NSG2: variants seen among roughly 807,000 people sequenced by gnomAD.
The protein encoded by NSG2 is neuronal vesicle trafficking associated 2.
A neutral mutation model predicts 16.9 loss-of-function variants in NSG2; 4 were observed. The ratio of observed to expected loss-of-function variants is 0.24; its 90% CI spans 0.12 to 0.54. NSG2 has a LOEUF of 0.54. NSG2 is among the 20% of genes least tolerant of loss of function. The probability of loss-of-function intolerance (pLI) is 0.95; values close to 1 mark genes in which losing one functional copy is unlikely to be tolerated. For synonymous variants in NSG2, 98 were observed against 88.7 expected (o/e 1.11, Z -0.59); for missense variants, 179 against 221.1 (o/e 0.81, Z 1.21).
Position 174,097,693 on chromosome 5 carries a change from CTG to C in NSG2, c.214-6527_214-6526del, listed in dbSNP as rs781200658. ...AATATCTGTGTCTCTGTCTGTGTAACTGTGTGTGTCTTTTTGTGTGTGTTTGT... is the reference window on the plus strand; with the variant it reads ...AATATCTGTGTCTCTGTCTGTGTAACTGTGTGTCTTTTTGTGTGTGTTTGT... On this transcript the variant is annotated intron_variant, in intron 3 of 4. Coordinates refer to ENST00000303177, the MANE Select transcript of NSG2 (RefSeq NM_015980.5). Among the ~76,000 whole-genome samples, 76 of 144,038 alleles carry C rather than the reference CTG, an allele frequency of 5.3e-4. 1 individual carries two copies. The highest frequency in any genetic ancestry group is 1.6e-3 in the African/African-American group (62 of 38,092). 94.5% of individuals were successfully genotyped at this position (144,038 alleles called of 152,430 possible). A position where few individuals can be genotyped will look rare whatever the true frequency, so the allele number is the denominator to read the frequency against.
At chr5:174,095,755 G>A (rs963968913) in intron 3 of NSG2, among the ~76,000 whole-genome samples, 1 of 152,182 alleles carries the variant, frequency 6.6e-6, no homozygotes, top group Non-Finnish European at 1.5e-5. Context: ...TCAGAACTCC[G>A]AGAGACAGAT....
At chr5:174,055,461 G>T (rs990294669) in intron 2 of NSG2, among the ~76,000 whole-genome samples, 1 of 152,084 alleles carries the variant, frequency 6.6e-6, no homozygotes, top group Non-Finnish European at 1.5e-5. Context: ...AGCTGGGCGT[G>T]GTGGCAGGTG....
chr5:174,080,881 T>G (rs1760449659), intron 3 of NSG2, among the ~76,000 whole-genome samples: 1 of 152,188 alleles, frequency 6.6e-6, no homozygotes, highest in African/African-American at 2.4e-5. Context: ...TGAGATTTTC[T>G]ATCTAGAAGC....
At chr5:174,096,524 C>T (rs1760796293) in intron 3 of NSG2, among the ~76,000 whole-genome samples, 1 of 152,154 alleles carries the variant, frequency 6.6e-6, no homozygotes, top group Admixed American at 6.5e-5. Flanking sequence ...GCCTTGTCTG[C>T]TCTGGCAGAC....
chr5:174,064,839 G>A (rs1450421461), intron 3 of NSG2, among the ~76,000 whole-genome samples: 1 of 152,176 alleles, frequency 6.6e-6, no homozygotes, highest in Non-Finnish European at 1.5e-5. Flanking sequence ...AGCATTCTCT[G>A]TGAGGGTGAA....
At chr5:174,064,727 G>T (rs948521425) in intron 3 of NSG2, among the ~76,000 whole-genome samples, 2 of 152,134 alleles carry the variant, frequency 1.3e-5, no homozygotes, top group Non-Finnish European at 2.9e-5. Context: ...CTTCTTGGTG[G>T]TGAAACCCTA....
At chr5:174,078,932 G>A (rs1164533269) in intron 3 of NSG2, among the ~76,000 whole-genome samples, 1 of 151,944 alleles carries the variant, frequency 6.6e-6, no homozygotes, top group African/African-American at 2.4e-5. Flanking sequence ...AGCCCAAATG[G>A]ACTAAGACAC....
At chr5:174,059,448 A>G (rs895884333) in intron 2 of NSG2, among the ~76,000 whole-genome samples, 9 of 152,182 alleles carry the variant, frequency 5.9e-5, no homozygotes, top group Admixed American at 4.6e-4. Context: ...CTTTTTGCTG[A>G]CACCTAGGAA....
intron 3 of NSG2, among the ~76,000 whole-genome samples, chr5:174,089,341 G>GT (rs2113463817): frequency 6.6e-6 from 1 of 152,300 alleles, no homozygotes; most frequent in East Asian, 1.9e-4. Context: ...TCATCCTGCA[G>GT]TGCAAGGAGG....
intron 3 of NSG2, among the ~76,000 whole-genome samples, chr5:174,091,039 C>CTTTT (rs35022469): frequency 2.4e-5 from 3 of 124,086 alleles, no homozygotes; most frequent in African/African-American, 3.0e-5. Context: ...CTTCTTCTTC[C>CTTTT]TTTTTTTTTT....
chr5:174,085,395 C>T (rs1479592860), intron 3 of NSG2, among the ~76,000 whole-genome samples: 6 of 152,194 alleles, frequency 3.9e-5, no homozygotes, highest in Non-Finnish European at 7.3e-5. Flanking sequence ...CTCCTTTTCC[C>T]ACCTCACACT....
rs2113483742 is a variant in NSG2 at position 174,107,369 on chromosome 5, A to G, written c.380A>G (p.Asn127Ser). Reference sequence around the variant, plus strand: ...GCTTACTACTCCTCCCAGGACCCCAATTCCAGAAGCCGCTTCTACACAGTC... The same window carrying G: ...GCTTACTACTCCTCCCAGGACCCCAGTTCCAGAAGCCGCTTCTACACAGTC... ...LDAYYSSQDP[N>S]SRSRFYTVIS... Residue 127 changes from asparagine (N) to serine (S), a missense_variant, in exon 5 of 5, where the codon AAT (asparagine) becomes AGT (serine). Asn to Ser is a conservative substitution (Grantham distance 46). Transcript: ENST00000303177. The surrounding 1 kb of genome is among the most constrained non-coding windows in gnomAD (Gnocchi z 4.5). 6 of 1,601,502 alleles carry G rather than the reference A, an allele frequency of 3.7e-6. No individual in the cohort carries two copies. Among genetic ancestry groups the G allele is most frequent in the Non-Finnish European group, 4.3e-6 (5 of 1,170,276 alleles).
At chr5:174,066,321 G>C (rs1448566035) in intron 3 of NSG2, 1 of 448,594 alleles carries the variant, frequency 2.2e-6, no homozygotes, top group Admixed American at 2.4e-5. Context: ...GAGAGGCCTG[G>C]GGTATCTTGG....
intron 2 of NSG2, among the ~76,000 whole-genome samples, chr5:174,047,934 G>T (rs193192438): frequency 6.6e-6 from 1 of 152,342 alleles, no homozygotes; most frequent in Admixed American, 6.5e-5. Flanking sequence ...ATTGGCATCT[G>T]CAGGAGGGCA....
intron 3 of NSG2, among the ~76,000 whole-genome samples, chr5:174,089,849 G>A (rs1017032777): frequency 1.3e-5 from 2 of 152,032 alleles, no homozygotes; most frequent in Admixed American, 1.3e-4. Flanking sequence ...TTGAACTCCT[G>A]GCCTCAAGTA....
At chr5:174,101,913 A>G (rs1199705539) in intron 3 of NSG2, among the ~76,000 whole-genome samples, 2 of 151,914 alleles carry the variant, frequency 1.3e-5, no homozygotes, top group African/African-American at 2.4e-5. Context: ...TTTAAGTCCA[A>G]CTTCTCTTGA....
intron 3 of NSG2, among the ~76,000 whole-genome samples, chr5:174,070,006 G>T (rs892975887): frequency 2.0e-5 from 3 of 150,974 alleles, no homozygotes; most frequent in Non-Finnish European, 4.4e-5. Context: ...GCCTCCCAAA[G>T]AGCTGGGACT....
chr5:174,107,716 G>A lies in NSG2; in HGVS notation c.*211G>A, dbSNP rs746237857. The stretch of plus-strand genomic sequence containing the variant: ...TTTTGTTCCTTGGTATTGTTGATTC[G>A]TCGCCGAGTCAGGCTCATGTACAAA... On this transcript the variant is annotated 3_prime_UTR_variant, in exon 5 of 5. Coordinates refer to ENST00000303177, the MANE Select transcript of NSG2 (RefSeq NM_015980.5). This position sits in a 1 kb window ranked among gnomAD's most constrained non-coding sequence, Gnocchi z 4.5. The A allele has an allele frequency of 1.0e-5, 7 of 698,882 alleles. No homozygotes were observed. Among genetic ancestry groups the A allele is most frequent in the Admixed American group, 4.0e-5 (2 of 49,724 alleles). 43.3% of individuals were successfully genotyped at this position (698,882 alleles called of 1,614,324 possible).
At chr5:174,096,825 G>A (rs1228400550) in intron 3 of NSG2, among the ~76,000 whole-genome samples, 1 of 152,094 alleles carries the variant, frequency 6.6e-6, no homozygotes, top group African/African-American at 2.4e-5. Context: ...GGTCGCTGCA[G>A]AGTCAGGCCC....
Sources: gnomAD v4.1 joint callset for allele counts (sites outside exome capture counted in the v4.1 genomes callset) on GRCh38, gnomAD v4.1.1 for gene constraint, Gnocchi (gnomAD v3.1) non-coding constraint, MANE v1.5 for transcripts, NCBI Gene and HGNC (gene_info 2026-07-23, HGNC 2026-07-21) for gene names.